PLBD1: variants seen among roughly 807,000 people sequenced by gnomAD.
The protein encoded by PLBD1 is lysosomal leucine aminopeptidase.
In PLBD1, 60 loss-of-function variants were observed where a neutral mutation model predicts 63.0. The ratio of observed to expected loss-of-function variants is 0.95; its 90% CI spans 0.77 to 1.18. PLBD1 has a LOEUF of 1.18. PLBD1 is among the 50% of genes most tolerant of loss of function. The pLI is 0.00. For synonymous variants in PLBD1, 262 were observed against 248.0 expected, an observed-to-expected ratio of 1.06 and a Z score of -0.53; for missense variants, 598 against 677.9, an observed-to-expected ratio of 0.88 and a Z score of 1.31.
chr12:14,536,853 C>T lies in PLBD1; in HGVS notation c.559-143G>A. The T allele has an allele frequency of 9.4e-6, 10 of 1,066,768 alleles. No homozygotes were observed. In the South Asian group the frequency reaches 1.5e-4, roughly 16 times the overall value. The allele number at this position is 1,066,768 out of a possible 1,614,324, so 66.1% of individuals were successfully genotyped here. The stretch of plus-strand genomic sequence containing the variant: ...CCTGTAATCCCAGCACTTTGGGAGG[C>T]CAACGCGGGTGGATCTCCCGAGGTG... On this transcript the variant is annotated intron_variant, in intron 4 of 10. Coordinates refer to ENST00000240617, the MANE Select transcript of PLBD1 (RefSeq NM_024829.6).
chr12:14,544,500 A>G (rs2136926548), intron 2 of PLBD1, among the ~76,000 whole-genome samples: 1 of 152,268 alleles, frequency 6.6e-6, no homozygotes, highest in Non-Finnish European at 1.5e-5. Flanking sequence ...ATAAATTCTC[A>G]GCAATTACCT....
In PLBD1 at chr12:14,511,807, CA is replaced by C. The variant is rs1215078019; in HGVS notation, c.845-97del. 3.4e-6 allele frequency: 4 copies of C among 1,191,004 alleles called. No homozygotes were observed. The Admixed American group carries it at 8.0e-5, about 24-fold the overall frequency. The allele number at this position is 1,191,004 out of a possible 1,614,324, so 73.8% of individuals were successfully genotyped here. ...AGCTTTACATACACAATGCATTTTG[CA>C]AAGTGTATCAGTTATTACTATCCTT... On this transcript the variant is annotated intron_variant, in intron 6 of 10. Coordinates refer to ENST00000240617, the MANE Select transcript of PLBD1 (RefSeq NM_024829.6).
At chr12:14,539,134 A>C (rs11056017) in intron 4 of PLBD1, among the ~76,000 whole-genome samples, 1 of 152,186 alleles carries the variant, frequency 6.6e-6, no homozygotes, top group Non-Finnish European at 1.5e-5. Flanking sequence ...TGATATTTGC[A>C]TTTCTTTTGT....
At chr12:14,539,320 C>A (rs188554255) in intron 4 of PLBD1, among the ~76,000 whole-genome samples, 1 of 152,140 alleles carries the variant, frequency 6.6e-6, no homozygotes, top group African/African-American at 2.4e-5. Context: ...TTGGAAGTCT[C>A]CAATCTCATC....
In PLBD1 at chr12:14,563,032, G is replaced by A. The variant is rs571943623; in HGVS notation, c.115+4550C>T. On this transcript the variant is annotated intron_variant, in intron 1 of 10. Coordinates refer to ENST00000240617, the MANE Select transcript of PLBD1 (RefSeq NM_024829.6). ...TTTAAAAAAATTGTTTTACTTCAAT[G>A]TAAACACTGAAGGAGGATCCTTTTA... 3.3e-5 allele frequency among the ~76,000 whole-genome samples: 5 copies of A among 152,202 alleles called. No individual in the cohort carries two copies. In the South Asian group the frequency reaches 8.3e-4, roughly 25 times the overall value.
intron 2 of PLBD1, among the ~76,000 whole-genome samples, chr12:14,550,827 G>A (rs1005836030): frequency 5.3e-5 from 8 of 151,288 alleles, no homozygotes; most frequent in Admixed American, 4.6e-4. Flanking sequence ...GCAGTGAACC[G>A]AGATCACGCC....
rs530195667 is a variant in PLBD1, at chr12:14,505,524, TTCAC to T, written c.1479+634_1479+637del. Among the ~76,000 whole-genome samples, 541 of 152,338 alleles carry T rather than the reference TTCAC, an allele frequency of 3.6e-3. 2 individuals carry two copies. Among genetic ancestry groups the T allele is most frequent in the Non-Finnish European group, 4.9e-3 (333 of 68,034 alleles). On this transcript the variant is annotated intron_variant, in intron 10 of 10. Coordinates refer to ENST00000240617, the MANE Select transcript of PLBD1 (RefSeq NM_024829.6). ...TCCTGATTTCCATAATGTAAATACTTTCACTGACTGGTTTGAAGCCATCAACACG... is the reference window on the plus strand; with the variant it reads ...TCCTGATTTCCATAATGTAAATACTTTGACTGGTTTGAAGCCATCAACACG...
At chr12:14,537,227 C>T (rs1945526702) in intron 4 of PLBD1, among the ~76,000 whole-genome samples, 1 of 151,990 alleles carries the variant, frequency 6.6e-6, no homozygotes, top group African/African-American at 2.4e-5. Context: ...GTTTTGATAG[C>T]CCCAGAATTT....
intron 10 of PLBD1, 97 bp from the exon 11 acceptor site, chr12:14,504,051 T>C: frequency 6.6e-6 from 8 of 1,204,882 alleles, no homozygotes; most frequent in Non-Finnish European, 9.4e-6. Flanking sequence ...AAAGTCACAA[T>C]ATTAGCTTTT....
At chr12:14,563,859 T>C (rs1390852491) in intron 1 of PLBD1, among the ~76,000 whole-genome samples, 1 of 152,190 alleles carries the variant, frequency 6.6e-6, no homozygotes, top group Non-Finnish European at 1.5e-5. Context: ...TCTAATACTA[T>C]ACTTCCAAGA....
chr12:14,538,311 G>A (rs146036472), intron 4 of PLBD1, among the ~76,000 whole-genome samples: 93 of 148,884 alleles, frequency 6.2e-4, no homozygotes, highest in African/African-American at 2.3e-3. Context: ...CTCCTGCCTT[G>A]GCTTCCCAAA....
chr12:14,526,861 A>T (rs1330971201), intron 6 of PLBD1, among the ~76,000 whole-genome samples: 1 of 152,130 alleles, frequency 6.6e-6, no homozygotes, highest in Non-Finnish European at 1.5e-5. Context: ...AATCCCAGCT[A>T]CTCGGGAGGA....
chr12:14,565,141 T>A (rs1388998328), intron 1 of PLBD1, among the ~76,000 whole-genome samples: 2 of 152,052 alleles, frequency 1.3e-5, no homozygotes, highest in Non-Finnish European at 2.9e-5. Context: ...AACTATAGAG[T>A]AACCTTTACA....
At chr12:14,537,631 G>A (rs1945530874) in intron 4 of PLBD1, among the ~76,000 whole-genome samples, 1 of 152,192 alleles carries the variant, frequency 6.6e-6, no homozygotes, top group Admixed American at 6.5e-5. Flanking sequence ...GTGCAAACTG[G>A]AGAGCACGGC....
intron 6 of PLBD1, among the ~76,000 whole-genome samples, chr12:14,532,332 G>A (rs940023340): frequency 2.0e-4 from 30 of 152,182 alleles, no homozygotes; most frequent in African/African-American, 7.0e-4. Flanking sequence ...AGGACTGACC[G>A]ACACATGGTA....
At chr12:14,559,628 A>C (rs1394520639) in intron 1 of PLBD1, among the ~76,000 whole-genome samples, 2 of 152,214 alleles carry the variant, frequency 1.3e-5, no homozygotes, top group African/African-American at 4.8e-5. Flanking sequence ...AGTTGTGAAA[A>C]GGAAAAGTCA....
At chr12:14,540,106 T>TTTTATATATATA (rs71448876) in intron 4 of PLBD1, among the ~76,000 whole-genome samples, 9,826 of 63,706 alleles carry the variant, frequency 0.15, 1,952 homozygotes, top group South Asian at 0.28. Flanking sequence ...AATATAAATA[T>TTTTATATATATA]TATTTATATA....
intron 2 of PLBD1, among the ~76,000 whole-genome samples, chr12:14,546,975 G>A (rs1945621217): frequency 6.6e-6 from 1 of 151,944 alleles, no homozygotes; most frequent in South Asian, 2.1e-4. Context: ...TTGCCACCGA[G>A]GTTCAAGCAA....
chr12:14,506,566 T>C (rs1019533129), intron 9 of PLBD1, among the ~76,000 whole-genome samples: 1 of 152,246 alleles, frequency 6.6e-6, no homozygotes, highest in African/African-American at 2.4e-5. Flanking sequence ...AATTTGACTT[T>C]GATGCTGTTC....
Sources: gnomAD v4.1 joint callset for allele counts (sites outside exome capture counted in the v4.1 genomes callset) on GRCh38, gnomAD v4.1.1 for gene constraint, MANE v1.5 for transcripts, NCBI Gene and HGNC (gene_info 2026-07-23, HGNC 2026-07-21) for gene names.